Variants in ABHD2 observed in about 807,000 individuals in gnomAD.
ABHD2 encodes abhydrolase domain containing 2, acylglycerol lipase, also known as monoacylglycerol lipase ABHD2.
In ABHD2, 20 loss-of-function variants were observed where a neutral mutation model predicts 48.1. The ratio of observed to expected loss-of-function variants is 0.42; its 90% CI spans 0.29 to 0.60. The LOEUF (loss-of-function observed/expected upper bound fraction) is 0.60. Ranked by LOEUF, ABHD2 falls within the 20% of genes least tolerant of loss-of-function variation. The pLI, the probability that ABHD2 is intolerant of heterozygous loss-of-function variation, is 0.24. For synonymous variants in ABHD2, 209 were observed against 214.2 expected (o/e 0.98, Z 0.21); for missense variants, 405 against 550.9 (o/e 0.74, Z 2.65).
Position 89,116,659 on chromosome 15 carries a change from G to A in ABHD2, c.194+138G>A, listed in dbSNP as rs2049966411. 1 of 896,484 alleles carries A rather than the reference G, an allele frequency of 1.1e-6. No homozygotes were observed. Among genetic ancestry groups the A allele is most frequent in the Non-Finnish European group, 1.7e-6 (1 of 601,066 alleles). 55.5% of individuals were successfully genotyped at this position (896,484 alleles called of 1,614,324 possible). On this transcript the variant is annotated intron_variant, in intron 3 of 10. Coordinates refer to ENST00000352732, the MANE Select transcript of ABHD2 (RefSeq NM_152924.5). The surrounding 1 kb of genome is among the most constrained non-coding windows in gnomAD (Gnocchi z 4.6). ...CGTCACTGGTGTTAAAATAGCCACAGTCTGATTGCAGTCTAGTGTTTGAAT... is the reference window on the plus strand; with the variant it reads ...CGTCACTGGTGTTAAAATAGCCACAATCTGATTGCAGTCTAGTGTTTGAAT...
At chr15:89,141,517 C>T (rs1291637937) in intron 3 of ABHD2, among the ~76,000 whole-genome samples, 1 of 152,150 alleles carries the variant, frequency 6.6e-6, no homozygotes, top group Non-Finnish European at 1.5e-5. Context: ...CCTGTAACCC[C>T]AGCTACCCAG....
intron 9 of ABHD2, 67 bp downstream of exon 9, chr15:89,191,216 A>G (rs2051298744): frequency 4.6e-6 from 7 of 1,506,452 alleles, no homozygotes; most frequent in Non-Finnish European, 6.4e-6. Context: ...TACGACAGAT[A>G]CCTCTCCTGA....
At chr15:89,157,911 T>C (rs2050700687) in intron 5 of ABHD2, among the ~76,000 whole-genome samples, 1 of 151,608 alleles carries the variant, frequency 6.6e-6, no homozygotes, top group Admixed American at 6.6e-5. Context: ...ACAGGGTGAA[T>C]AGTGAGTATG....
chr15:89,084,101 A>T (rs1901318509), upstream of ABHD2, among the ~76,000 whole-genome samples: 1 of 151,920 alleles, frequency 6.6e-6, no homozygotes, highest in Non-Finnish European at 1.5e-5. This position sits in a 1 kb window ranked among gnomAD's most constrained non-coding sequence, Gnocchi z 4.4. Context: ...CAGTGATTAC[A>T]CTGATGAGGT....
In ABHD2 at chr15:89,174,555, C is replaced by G. The variant is rs571224848; in HGVS notation, c.539-1257C>G. Reference sequence around the variant, plus strand: ...ATATAAGGGGAGTTTACCCCAGGCTCAAAAGATACTTTCCCCCATGGCTTG... The same window carrying G: ...ATATAAGGGGAGTTTACCCCAGGCTGAAAAGATACTTTCCCCCATGGCTTG... On this transcript the variant is annotated intron_variant, in intron 5 of 10. Transcript: ENST00000352732. The surrounding 1 kb of genome is among the most constrained non-coding windows in gnomAD (Gnocchi z 4.1). Among the ~76,000 whole-genome samples, 1 of 152,278 alleles carries G rather than the reference C, an allele frequency of 6.6e-6. No individual in the cohort carries two copies. Among genetic ancestry groups the G allele is most frequent in the South Asian group, 2.1e-4 (1 of 4,820 alleles).
chr15:89,120,390 C>CT lies in ABHD2; in HGVS notation c.194+3878dup, dbSNP rs971196070. Among the ~76,000 whole-genome samples the CT allele has an allele frequency of 4.1e-4, 62 of 151,354 alleles. 1 individual carries two copies. The highest frequency in any genetic ancestry group is 4.2e-4 in the South Asian group (2 of 4,790). On this transcript the variant is annotated intron_variant, in intron 3 of 10. Transcript: ENST00000352732. This position sits in a 1 kb window ranked among gnomAD's most constrained non-coding sequence, Gnocchi z 4.2. ...CAAAAATCTAGATAGTCATACAAAT[C>CT]TTTTTTTTTCAATAAAAACTTTGAT...
chr15:89,129,803 AAAG>A (rs1006423349), intron 3 of ABHD2, among the ~76,000 whole-genome samples: 2 of 152,196 alleles, frequency 1.3e-5, no homozygotes, highest in African/African-American at 2.4e-5. Context: ...AAAAAAAAAA[AAAG>A]AACAGCATGT....
the ABHD2 span, among the ~76,000 whole-genome samples, chr15:89,057,782 A>G: frequency 6.8e-6 from 1 of 147,220 alleles, no homozygotes; most frequent in Non-Finnish European, 1.5e-5. Context: ...AAAAAAAAAA[A>G]AGAAAGAAAC....
chr15:89,041,020 A>G, the ABHD2 span, among the ~76,000 whole-genome samples: 6 of 152,380 alleles, frequency 3.9e-5, no homozygotes, highest in African/African-American at 9.6e-5. Context: ...AGAAGATGCC[A>G]GCAGAGGCTT....
chr15:89,121,824 A>C (rs1229001157), intron 3 of ABHD2, among the ~76,000 whole-genome samples: 1 of 152,100 alleles, frequency 6.6e-6, no homozygotes, highest in Admixed American at 6.5e-5. Flanking sequence ...AGAAAACTTA[A>C]ATAGCATCAA....
At chr15:89,108,820 A>C (rs1251672234) in intron 1 of ABHD2, among the ~76,000 whole-genome samples, 1 of 152,238 alleles carries the variant, frequency 6.6e-6, no homozygotes, top group Admixed American at 6.5e-5. Flanking sequence ...GTAATCATCT[A>C]TGAAGTAGGC....
intron 4 of ABHD2, among the ~76,000 whole-genome samples, chr15:89,152,581 T>G (rs563074925): frequency 6.6e-6 from 1 of 152,280 alleles, no homozygotes; most frequent in Non-Finnish European, 1.5e-5. Flanking sequence ...CTATCCCTAC[T>G]TTACTGATGA....
In ABHD2 at chr15:89,164,549, C is replaced by T. The variant is rs145004996; in HGVS notation, c.538+9015C>T. On this transcript the variant is annotated intron_variant, in intron 5 of 10. Transcript: ENST00000352732. This position sits in a 1 kb window ranked among gnomAD's most constrained non-coding sequence, Gnocchi z 5.0. ...CACCTGTAATCCCAGCACTTTGGGA[C>T]GCCCAGGCTGGCAGATCACTTGAGC... Among the ~76,000 whole-genome samples the T allele has an allele frequency of 6.6e-4, 101 of 152,142 alleles. No homozygotes were observed. The highest frequency in any genetic ancestry group is 2.1e-3 in the African/African-American group (88 of 41,516).
At chr15:89,178,498 G>GT (rs1251512215) in intron 6 of ABHD2, among the ~76,000 whole-genome samples, 1 of 152,158 alleles carries the variant, frequency 6.6e-6, no homozygotes, top group Non-Finnish European at 1.5e-5. Context: ...TCCTAGCTGA[G>GT]TCTGGAGACC....
At position 89,186,270 on chromosome 15, in the gene ABHD2, T is replaced by A. The variant is rs1004745000; in HGVS notation, c.815+754T>A. On this transcript the variant is annotated intron_variant, in intron 7 of 10. Transcript: ENST00000352732. The surrounding 1 kb of genome is among the most constrained non-coding windows in gnomAD (Gnocchi z 4.3). ...AGTTTGAGCCTCTCCTTATTCTTCA[T>A]GCTTGTCCTGCCTCTCCGCCTCGTA... Among the ~76,000 whole-genome samples, 1 of 152,186 alleles carries A rather than the reference T, an allele frequency of 6.6e-6. No homozygotes were observed. Among genetic ancestry groups the A allele is most frequent in the African/African-American group, 2.4e-5 (1 of 41,462 alleles).
intron 1 of ABHD2, among the ~76,000 whole-genome samples, chr15:89,099,280 C>T (rs2049662953): frequency 6.6e-6 from 1 of 152,170 alleles, no homozygotes; most frequent in Non-Finnish European, 1.5e-5. Flanking sequence ...TTCTTATCAT[C>T]CAGCTTTGTT....
At chr15:89,110,181 C>T (rs1257238870) in intron 1 of ABHD2, among the ~76,000 whole-genome samples, 2 of 152,044 alleles carry the variant, frequency 1.3e-5, no homozygotes, top group Admixed American at 6.6e-5. Flanking sequence ...AGTGATTCTC[C>T]TGCCTCAGCC....
Position 89,120,090 on chromosome 15 carries a change from A to G in ABHD2, c.194+3569A>G, listed in dbSNP as rs964634291. ...CTGTTCTGGTATAGAAAAAAAGTTGATGAAAGGTGAACATCGAAAGCATGC... is the reference window on the plus strand; with the variant it reads ...CTGTTCTGGTATAGAAAAAAAGTTGGTGAAAGGTGAACATCGAAAGCATGC... On this transcript the variant is annotated intron_variant, in intron 3 of 10. Transcript: ENST00000352732. The surrounding 1 kb of genome is among the most constrained non-coding windows in gnomAD (Gnocchi z 4.2). 6.6e-6 allele frequency among the ~76,000 whole-genome samples: 1 copy of G among 152,222 alleles called. No individual in the cohort carries two copies. The highest frequency in any genetic ancestry group is 1.5e-5 in the Non-Finnish European group (1 of 68,040).
At chr15:89,089,723 GA>G in intron 1 of ABHD2, among the ~76,000 whole-genome samples, 1 of 152,218 alleles carries the variant, frequency 6.6e-6, no homozygotes, top group South Asian at 2.1e-4. Context: ...GTCCAAAAGA[GA>G]AATCCTTCAC....
Sources: gnomAD v4.1 joint callset for allele counts (sites outside exome capture counted in the v4.1 genomes callset) on GRCh38, gnomAD v4.1.1 for gene constraint, Gnocchi (gnomAD v3.1) non-coding constraint, MANE v1.5 for transcripts, NCBI Gene and HGNC (gene_info 2026-07-23, HGNC 2026-07-21) for gene names.